DISP2: variants seen among roughly 807,000 people sequenced by gnomAD.
DISP2 encodes the protein protein dispatched homolog 2.
DISP2 carries 59 observed loss-of-function variants against 95.5 expected under a neutral mutation model. The observed-to-expected ratio is 0.62, with a 90% CI of 0.50 to 0.77. DISP2 has a LOEUF of 0.77. Among genes scored for constraint, DISP2 ranks in the 30% least tolerant of loss-of-function variants. The pLI, the probability that DISP2 is intolerant of heterozygous loss-of-function variation, is 0.00. For synonymous variants in DISP2, 827 were observed against 815.0 expected, an observed-to-expected ratio of 1.01 and a Z score of -0.25; for missense variants, 1,752 against 1,854.6, an observed-to-expected ratio of 0.94 and a Z score of 1.02.
At chr15:40,360,407 G>A (rs191452908) in intron 1 of DISP2, among the ~76,000 whole-genome samples, 1 of 152,172 alleles carries the variant, frequency 6.6e-6, no homozygotes, top group South Asian at 2.1e-4. Context: ...TGAAGAAAAG[G>A]CCTGGCTCTA....
At chr15:40,358,736 C>A (rs1889361195) in intron 1 of DISP2, among the ~76,000 whole-genome samples, 1 of 152,204 alleles carries the variant, frequency 6.6e-6, no homozygotes, top group African/African-American at 2.4e-5. Context: ...GCTCCTCCGG[C>A]CCCTCCTTCT....
rs746738926 is a variant in DISP2, at chr15:40,367,945, C to G, written c.1833C>G (p.Arg611=). 2.5e-6 allele frequency: 4 copies of G among 1,585,696 alleles called. No homozygotes were observed. The highest frequency in any genetic ancestry group is 3.4e-6 in the Non-Finnish European group (4 of 1,173,954). ...CCTTCTATGCCAGCTACCTGAGCCG[C>G]CTGCCGGCCGTTCGCTGCCTCGCCC... ...SAAFYASYLS[R]LPAVRCLALF... Residue 611 remains arginine (R), a synonymous_variant, in exon 8 of 8, where the codon CGC becomes CGG. Coordinates refer to ENST00000267889, the MANE Select transcript of DISP2 (RefSeq NM_033510.3).
rs1419028950 is a variant in DISP2 at position 40,358,243 on chromosome 15, C to A, written c.-79C>A. On this transcript the variant is annotated 5_prime_UTR_variant, in exon 1 of 8. It adds an upstream start codon to the 5' untranslated region. Transcript: ENST00000267889. ...CATGCGCACGAGCACCCCGCCGCCG[C>A]TGCCGCCGCCACCGCCGCCGCCGCC... is the stretch of plus-strand genomic sequence containing the variant. 1 of 1,026,942 alleles carries A rather than the reference C, an allele frequency of 9.7e-7. No homozygotes were observed. Among genetic ancestry groups the A allele is most frequent in the Non-Finnish European group, 1.2e-6 (1 of 835,744 alleles). The allele number at this position is 1,026,942 out of a possible 1,614,324, so 63.6% of individuals were successfully genotyped here. A position where few individuals can be genotyped will look rare whatever the true frequency, so the allele number is the denominator to read the frequency against.
In DISP2 at chr15:40,365,257, T is replaced by A. The variant is rs372637956; in HGVS notation, c.830T>A (p.Phe277Tyr). The change falls in exon 6 of 8, where the codon TTC becomes TAC. Residue 277 changes from phenylalanine (F) to tyrosine (Y), a missense_variant. Phe to Tyr is a conservative substitution (Grantham distance 22). Transcript: ENST00000267889. The part of the protein sequence containing the change: ...EPLEDRRQEN[F>Y]FCGPPEKSYA... ...CTGGAGGACAGAAGGCAAGAGAACT[T>A]CTTCTGTGGCCCCCCTGGTAAGCTG... 4.3e-6 allele frequency: 7 copies of A among 1,613,714 alleles called. No individual in the cohort carries two copies. Among genetic ancestry groups the A allele is most frequent in the Middle Eastern group, 3.3e-4 (2 of 6,084 alleles).
At chr15:40,364,569 G>A in intron 4 of DISP2, 25 bp downstream of exon 4, 1 of 1,610,108 alleles carries the variant, frequency 6.2e-7, no homozygotes, top group South Asian at 1.1e-5. Flanking sequence ...GGTGGGACGG[G>A]GTCCCCAGGC....
rs758858337 is a variant in DISP2 at position 40,368,581 on chromosome 15, C to T, written c.2469C>T (p.Ser823=). 2.2e-5 allele frequency: 35 copies of T among 1,604,810 alleles called. No homozygotes were observed. In the South Asian group the frequency reaches 3.8e-4, roughly 18 times the overall value. The change falls in exon 8 of 8, where the codon AGC becomes AGT. Residue 823 remains serine, a synonymous_variant. Transcript: ENST00000267889. ...LALCHRARNQ[S]FFDTLQEGWP... ...TCTGTCACCGGGCCCGGAATCAGAGCTTCTTCGACACCCTGCAGGAAGGCT... is the reference window on the plus strand; with the variant it reads ...TCTGTCACCGGGCCCGGAATCAGAGTTTCTTCGACACCCTGCAGGAAGGCT...
Position 40,358,340 on chromosome 15 carries a change from A to C in DISP2, c.19A>C (p.Ser7Arg), listed in dbSNP as rs1889349370. Residue 7 changes from serine to arginine, a missense_variant, in exon 1 of 8, where the codon AGC becomes CGC. Ser to Arg is a moderately radical substitution (Grantham distance 110). Transcript: ENST00000267889. ...CACGGGCATGGACGGTGACAGCAGC[A>C]GCAGCAGCGGCGGCAGCGGTCCGGC... Reference protein sequence around the residue: MDGDSSSSSGGSGPAPG... With the variant: MDGDSSRSSGGSGPAPG... 1 of 1,394,662 alleles carries C rather than the reference A, an allele frequency of 7.2e-7. No individual in the cohort carries two copies. Among genetic ancestry groups the C allele is most frequent in the African/African-American group, 1.5e-5 (1 of 66,906 alleles). 86.4% of individuals were successfully genotyped at this position (1,394,662 alleles called of 1,614,324 possible).
chr15:40,361,939 C>A (rs1246180348), intron 1 of DISP2, among the ~76,000 whole-genome samples: 2 of 152,222 alleles, frequency 1.3e-5, no homozygotes, highest in African/African-American at 4.8e-5. Context: ...CAGTCCAGAA[C>A]CCCTCTGGGA....
At chr15:40,367,031 C>G in intron 7 of DISP2, 27 bp from the exon 8 acceptor site, 2 of 1,601,108 alleles carry the variant, frequency 1.2e-6, no homozygotes, top group East Asian at 2.2e-5. Context: ...TGCCCCTGAA[C>G]TCTCCCCTCC....
Position 40,368,882 on chromosome 15 carries a change from T to C in DISP2, c.2770T>C (p.Tyr924His), listed in dbSNP as rs759555918. 2.5e-6 allele frequency: 4 copies of C among 1,614,024 alleles called. No homozygotes were observed. Among genetic ancestry groups the C allele is most frequent in the East Asian group, 2.2e-5 (1 of 44,888 alleles). Residue 924 changes from tyrosine to histidine, a missense_variant, in exon 8 of 8, where the codon TAC becomes CAC. Tyr to His is a moderately conservative substitution (Grantham distance 83, BLOSUM62 2). This residue lies in a region of DISP2 where 317 missense variants were observed against 394.9 expected (regional missense o/e 0.80). Transcript: ENST00000267889. ...GGACTACAACCAGACCCAGCTCTTC[T>C]ACAATGAGGTCAGCCACTGGCTGGC... ...SPDYNQTQLF[Y>H]NEVSHWLAAE...
Position 40,368,143 on chromosome 15 carries a change from C to T in DISP2, c.2031C>T (p.Arg677=), listed in dbSNP as rs777419179. ...RLLLALHRRL[R]GLRRAAAGTS... ...TGCTGGCGCTGCACCGGCGGCTCCGCGGCCTGCGGAGGGCGGCGGCTGGCA... is the reference window on the plus strand; with the variant it reads ...TGCTGGCGCTGCACCGGCGGCTCCGTGGCCTGCGGAGGGCGGCGGCTGGCA... The change falls in exon 8 of 8, where the codon CGC becomes CGT. Residue 677 remains arginine, a synonymous_variant. Coordinates refer to ENST00000267889, the MANE Select transcript of DISP2 (RefSeq NM_033510.3). 6.0e-6 allele frequency: 9 copies of T among 1,500,518 alleles called. No individual in the cohort carries two copies. Among genetic ancestry groups the T allele is most frequent in the Admixed American group, 2.2e-5 (1 of 44,974 alleles). The allele number at this position is 1,500,518 out of a possible 1,614,324, so 93.0% of individuals were successfully genotyped here.
chr15:40,364,992 G>A (rs560285849), intron 5 of DISP2, 39 bp downstream of exon 5: 1 of 1,610,174 alleles, frequency 6.2e-7, no homozygotes, highest in Non-Finnish European at 8.5e-7. Flanking sequence ...GTGGCAGAGG[G>A]AAGAATGAGA....
In DISP2 at chr15:40,367,078, C is replaced by A; in HGVS notation, c.966C>A (p.Phe322Leu). Residue 322 changes from phenylalanine to leucine, a missense_variant, in exon 8 of 8, where the codon TTC becomes TTA. By Grantham distance (22) the Phe-to-Leu change is conservative. Transcript: ENST00000267889. ...EQDQIRSHTS[F>L]GALCQRTAAN... ...TACAGATCCGCTCCCATACCAGCTT[C>A]GGGGCTCTGTGCCAGCGGACAGCAG... 1 of 1,611,390 alleles carries A rather than the reference C, an allele frequency of 6.2e-7. No homozygotes were observed. Among genetic ancestry groups the A allele is most frequent in the Non-Finnish European group, 8.5e-7 (1 of 1,180,014 alleles).
Position 40,369,322 on chromosome 15 carries a change from G to A in DISP2, c.3210G>A (p.Leu1070=). 1 of 1,613,510 alleles carries A rather than the reference G, an allele frequency of 6.2e-7. No homozygotes were observed. The highest frequency in any genetic ancestry group is 8.5e-7 in the Non-Finnish European group (1 of 1,180,038). ...SCATAVGAAA[L]FAAGVLMLPA... ...CCACAGCCGTGGGGGCTGCAGCCCT[G>A]TTTGCGGCAGGCGTGCTCATGCTGC... The change falls in exon 8 of 8, where the codon CTG becomes CTA. Residue 1070 remains leucine (L), a synonymous_variant. Transcript: ENST00000267889.
chr15:40,365,027 AC>A, intron 5 of DISP2, 74 bp downstream of exon 5: 1 of 1,596,878 alleles, frequency 6.3e-7, no homozygotes. Flanking sequence ...ACATTGGGTG[AC>A]CCACCCCAAG....
rs959843912 is a variant in DISP2, at chr15:40,369,479, A to T, written c.3367A>T (p.Ile1123Phe). Residue 1123 changes from isoleucine (I) to phenylalanine (F), a missense_variant, in exon 8 of 8, where the codon ATC (isoleucine) becomes TTC (phenylalanine). Coordinates refer to ENST00000267889, the MANE Select transcript of DISP2 (RefSeq NM_033510.3). ...FFGPEKNCGQ[I>F]LWPCAHLPWD... ...CGGGCCAGAGAAGAACTGTGGGCAG[A>T]TCCTCTGGCCCTGTGCCCACCTGCC... 1.9e-6 allele frequency: 3 copies of T among 1,613,062 alleles called. No individual in the cohort carries two copies. In the African/African-American group the frequency reaches 4.0e-5, roughly 22 times the overall value.
At position 40,368,639 on chromosome 15, in the gene DISP2, C is replaced by T. The variant is rs764037590; in HGVS notation, c.2527C>T (p.Arg843Cys). 4 of 1,609,606 alleles carry T rather than the reference C, an allele frequency of 2.5e-6. No individual in the cohort carries two copies. Among genetic ancestry groups the T allele is most frequent in the Non-Finnish European group, 3.4e-6 (4 of 1,180,008 alleles). ...GCTGTGTTTCGTGGAGACCCTCCAG[C>T]GCTGGATGGAGAGCCCCAGCTGCGC... ...PTLCFVETLQ[R>C]WMESPSCARL... Residue 843 changes from arginine (R) to cysteine (C), a missense_variant, in exon 8 of 8, where the codon CGC becomes TGC. This residue lies in a region of DISP2 where 317 missense variants were observed against 394.9 expected (regional missense o/e 0.80). Transcript: ENST00000267889.
rs1595733227 is a variant in DISP2, at chr15:40,375,493, A to C, written c.*5175A>C. On this transcript the variant is annotated 3_prime_UTR_variant, in exon 8 of 8. Coordinates refer to ENST00000267889, the MANE Select transcript of DISP2 (RefSeq NM_033510.3). ...GTATTGACTCTTTTATATTTTCTCC[A>C]CCTTCCTCAAATATCTCACCTTCCC... 1 of 148,066 alleles carries C rather than the reference A, an allele frequency of 6.8e-6. No individual in the cohort carries two copies. The allele number at this position is 148,066 out of a possible 1,614,324, so 9.2% of individuals were successfully genotyped here.
Position 40,369,557 on chromosome 15 carries a change from C to G in DISP2, c.3445C>G (p.Pro1149Ala), listed in dbSNP as rs752513290. 1 of 1,612,472 alleles carries G rather than the reference C, an allele frequency of 6.2e-7. No individual in the cohort carries two copies. Among genetic ancestry groups the G allele is most frequent in the South Asian group, 1.1e-5 (1 of 91,084 alleles). ...PGGEKAGRPR[P>A]GSVGGMPGSC... is the part of the protein sequence containing the mutation. Reference sequence around the variant, plus strand: ...TGGGGAGAAGGCAGGCCGCCCACGACCAGGGTCAGTGGGAGGGATGCCCGG... The same window carrying G: ...TGGGGAGAAGGCAGGCCGCCCACGAGCAGGGTCAGTGGGAGGGATGCCCGG... The change falls in exon 8 of 8, where the codon CCA (proline) becomes GCA (alanine). Residue 1149 changes from proline to alanine, a missense_variant. By Grantham distance (27) the Pro-to-Ala change is conservative. Coordinates refer to ENST00000267889, the MANE Select transcript of DISP2 (RefSeq NM_033510.3).
Sources: gnomAD v4.1 joint callset for allele counts (sites outside exome capture counted in the v4.1 genomes callset) on GRCh38, gnomAD v4.1.1 for gene constraint, gnomAD v4.1.1 regional missense constraint, MANE v1.5 for transcripts, NCBI Gene and HGNC (gene_info 2026-07-23, HGNC 2026-07-21) for gene names.